HOXA3: variants seen among roughly 807,000 people sequenced by gnomAD.
HOXA3 encodes the protein homeobox A3, also known as homeobox protein Hox-A3.
In HOXA3, 8 loss-of-function variants were observed where a neutral mutation model predicts 30.3. The observed-to-expected ratio is 0.26, with a 90% CI of 0.15 to 0.48. The LOEUF is 0.48. Ranked by LOEUF, HOXA3 falls within the 20% of genes least tolerant of loss-of-function variation. The pLI is 0.99. For synonymous variants in HOXA3, 323 were observed against 273.1 expected, an observed-to-expected ratio of 1.18 and a Z score of -1.80; for missense variants, 653 against 614.4, an observed-to-expected ratio of 1.06 and a Z score of -0.66.
Position 27,127,036 on chromosome 7 carries a change from C to A in HOXA3, c.-355G>T, listed in dbSNP as rs1785313427. On this transcript the variant is annotated 5_prime_UTR_variant, in exon 3 of 6. It introduces an in-frame stop codon into an upstream open reading frame of the 5' UTR. Coordinates refer to ENST00000612286, the MANE Select transcript of HOXA3 (RefSeq NM_153631.3). ...TTTGCAAGAAGATCCCTCTCTCCTCCACAGACTTTTCCCAGAGAATGCCTT... is the reference window on the plus strand; with the variant it reads ...TTTGCAAGAAGATCCCTCTCTCCTCAACAGACTTTTCCCAGAGAATGCCTT... 1 of 151,944 alleles carries A rather than the reference C, an allele frequency of 6.6e-6. No individual in the cohort carries two copies. The highest frequency in any genetic ancestry group is 2.1e-4 in the South Asian group (1 of 4,814). The allele number at this position is 151,944 out of a possible 1,614,324, so 9.4% of individuals were successfully genotyped here. A position where few individuals can be genotyped will look rare whatever the true frequency, so the allele number is the denominator to read the frequency against.
At chr7:27,142,947 T>C (rs1782625814) in intron 1 of HOXA3, 2 of 1,142,190 alleles carry the variant, frequency 1.8e-6, no homozygotes, top group African/African-American at 3.3e-5. Flanking sequence ...CTGGGAGAAA[T>C]GAGACCAAGA....
chr7:27,146,045 T>G, intron 1 of HOXA3: 4 of 1,082,626 alleles, frequency 3.7e-6, no homozygotes, highest in Non-Finnish European at 5.2e-6. Context: ...TCTCCCACTA[T>G]GTCTGGGGCC....
At chr7:27,143,306 A>C in intron 1 of HOXA3, 1 of 1,600,780 alleles carries the variant, frequency 6.2e-7, no homozygotes, top group Non-Finnish European at 8.5e-7. Context: ...GGAGCAGGGC[A>C]GCGGATCGGG....
chr7:27,141,126 A>T (rs1247968960), intron 1 of HOXA3: 2 of 151,630 alleles, frequency 1.3e-5, no homozygotes, highest in East Asian at 3.9e-4. Flanking sequence ...AAAAAAAAAA[A>T]AAAAAAAAAA....
At chr7:27,137,800 C>T (rs1431110992) in intron 2 of HOXA3, among the ~76,000 whole-genome samples, 4 of 152,162 alleles carry the variant, frequency 2.6e-5, no homozygotes, top group Non-Finnish European at 4.4e-5. Context: ...TTTCTCATTC[C>T]TTGGAAAGAT....
At chr7:27,130,146 G>C (rs1242357638) in intron 2 of HOXA3, 1 of 1,603,822 alleles carries the variant, frequency 6.2e-7, no homozygotes, top group Admixed American at 1.7e-5. Context: ...TCTTCATCCA[G>C]GGGTACACCA....
intron 4 of HOXA3, chr7:27,122,291 C>G (rs1473236164): frequency 6.6e-6 from 1 of 152,204 alleles, no homozygotes; most frequent in African/African-American, 2.4e-5. Flanking sequence ...AAACACACTC[C>G]CTCTGACTCT....
At chr7:27,129,054 G>A in intron 2 of HOXA3, 2 of 674,388 alleles carry the variant, frequency 3.0e-6, no homozygotes. Flanking sequence ...GTGGCAACCA[G>A]CACAGACTCT....
Position 27,141,858 on chromosome 7 carries a change from C to G in HOXA3, c.-493-1672G>C, listed in dbSNP as rs772389383. 3.7e-6 allele frequency: 6 copies of G among 1,614,192 alleles called. No homozygotes were observed. In the Admixed American group the frequency reaches 8.3e-5, roughly 22 times the overall value. On this transcript the variant is annotated intron_variant, in intron 1 of 5. Transcript: ENST00000612286. ...ACTCAGGGACGGAAGGCCCCTCCTG[C>G]CGCGGCCATGCTCATGCTTTTCAGC...
At position 27,108,368 on chromosome 7, in the gene HOXA3, C is replaced by A. The variant is rs199930483; in HGVS notation, c.879G>T (p.Ser293=). ...GGGGGGGCTTGGAGAAGGGCGGGGG[C>A]GACTGGGGCTCATACGGGACGCTGT... ...LVNSVPYEPQ[S]PPPFSKPPQG... is the part of the protein sequence containing the mutation. The change falls in exon 6 of 6, where the codon TCG becomes TCT. Residue 293 remains serine (S), a synonymous_variant. Transcript: ENST00000612286. This position sits in a 1 kb window ranked among gnomAD's most constrained non-coding sequence, Gnocchi z 5.0. 346 of 1,555,978 alleles carry A rather than the reference C, an allele frequency of 2.2e-4. No individual in the cohort carries two copies. In the East Asian group the frequency reaches 7.4e-3, roughly 33 times the overall value.
At chr7:27,117,189 C>T (rs1231549308) in intron 4 of HOXA3, among the ~76,000 whole-genome samples, 1 of 152,222 alleles carries the variant, frequency 6.6e-6, no homozygotes, top group Admixed American at 6.5e-5. Flanking sequence ...ACCCTGGCTA[C>T]AGCTCTGTTT....
At chr7:27,136,321 A>G (rs1235520913) in intron 2 of HOXA3, among the ~76,000 whole-genome samples, 2 of 152,200 alleles carry the variant, frequency 1.3e-5, no homozygotes, top group East Asian at 3.9e-4. Flanking sequence ...TTTTTGTTAA[A>G]TCAGCCTATG....
intron 1 of HOXA3, among the ~76,000 whole-genome samples, chr7:27,147,949 CAA>C (rs1278584738): frequency 6.6e-6 from 1 of 152,248 alleles, no homozygotes; most frequent in Non-Finnish European, 1.5e-5. Flanking sequence ...ACCGAGGCAG[CAA>C]AGTTACAAAC....
Position 27,108,665 on chromosome 7 carries a change from C to A in HOXA3, c.582G>T (p.Ala194=). Reference sequence around the variant, plus strand: ...GCTGCGCGCTCGTGTAGGCCGTGCGCGCGCGCTTGGACGAAGCCTGCCCCG... The same window carrying A: ...GCTGCGCGCTCGTGTAGGCCGTGCGAGCGCGCTTGGACGAAGCCTGCCCCG... ...SPPGQASSKR[A]RTAYTSAQLV... Residue 194 remains alanine (A), a synonymous_variant, in exon 6 of 6, where the codon GCG becomes GCT. Coordinates refer to ENST00000612286, the MANE Select transcript of HOXA3 (RefSeq NM_153631.3). The surrounding 1 kb of genome is among the most constrained non-coding windows in gnomAD (Gnocchi z 5.0). The A allele has an allele frequency of 6.2e-7, 1 of 1,613,336 alleles. No homozygotes were observed. Among genetic ancestry groups the A allele is most frequent in the Non-Finnish European group, 8.5e-7 (1 of 1,179,540 alleles).
intron 1 of HOXA3, chr7:27,145,460 T>G: frequency 1.3e-5 from 3 of 231,972 alleles, no homozygotes; most frequent in African/African-American, 5.6e-5. Flanking sequence ...TTGTTTTGTT[T>G]TGTTTTGTTT....
intron 4 of HOXA3, among the ~76,000 whole-genome samples, chr7:27,117,482 C>G (rs1287724308): frequency 6.6e-6 from 1 of 152,214 alleles, no homozygotes; most frequent in African/African-American, 2.4e-5. Flanking sequence ...CTTCAACCCT[C>G]TGGGGCAGAG....
chr7:27,115,301 A>G (rs1044442149), intron 4 of HOXA3: 5 of 152,034 alleles, frequency 3.3e-5, no homozygotes, highest in Non-Finnish European at 7.4e-5. Context: ...TCGGCGCCCC[A>G]AAGCTGTAAA....
At chr7:27,148,309 C>G (rs1782856313) in intron 1 of HOXA3, among the ~76,000 whole-genome samples, 2 of 152,394 alleles carry the variant, frequency 1.3e-5, no homozygotes, top group African/African-American at 2.4e-5. Context: ...CCTAGCGCTC[C>G]CCTATTCGTG....
At chr7:27,147,908 C>T (rs1426498771) in intron 1 of HOXA3, 1 of 668,902 alleles carries the variant, frequency 1.5e-6, no homozygotes, top group African/African-American at 1.8e-5. Context: ...TGGGAGCGAA[C>T]GCCGGAGCCC....
Sources: allele counts gnomAD v4.1 joint callset (sites outside exome capture counted in the v4.1 genomes callset), GRCh38; gene constraint gnomAD v4.1.1; non-coding constraint Gnocchi (gnomAD v3.1); transcripts MANE v1.5; gene names NCBI Gene and HGNC (gene_info 2026-07-23, HGNC 2026-07-21).